TIE1: variants seen among roughly 807,000 people sequenced by gnomAD.
The protein encoded by TIE1 is tyrosine kinase with immunoglobulin like and EGF like domains 1.
TIE1 carries 89 observed loss-of-function variants against 130.5 expected under a neutral mutation model. The ratio of observed to expected loss-of-function variants is 0.68; its 90% CI spans 0.57 to 0.81. The LOEUF (loss-of-function observed/expected upper bound fraction) is 0.81, where lower values mean the gene tolerates loss of function less well. TIE1 is among the 40% of genes least tolerant of loss of function. The pLI is 0.00. For synonymous variants in TIE1, 568 were observed against 629.4 expected (o/e 0.90, Z 1.46); for missense variants, 1,392 against 1,559.8 (o/e 0.89, Z 1.81).
Position 43,309,013 on chromosome 1 carries a change from C to T in TIE1, c.1070C>T (p.Ala357Val). The change falls in exon 8 of 23, where the codon GCC (alanine) becomes GTC (valine). Residue 357 changes from alanine to valine, a missense_variant. By Grantham distance (64) the Ala-to-Val change is moderately conservative. Transcript: ENST00000372476. This position sits in a 1 kb window ranked among gnomAD's most constrained non-coding sequence, Gnocchi z 6.3. ...CGGATCCCCCAGATCCTCAACATGG[C>T]CTCAGAACTGGAGTTCAACTTAGAG... ...SDRIPQILNM[A>V]SELEFNLETM... 1 of 1,614,034 alleles carries T rather than the reference C, an allele frequency of 6.2e-7. No homozygotes were observed. The highest frequency in any genetic ancestry group is 8.5e-7 in the Non-Finnish European group (1 of 1,179,966).
In TIE1 at chr1:43,319,922, A is replaced by C; in HGVS notation, c.3107+393A>C. The C allele has an allele frequency of 2.0e-5, 5 of 246,592 alleles. No homozygotes were observed. Among genetic ancestry groups the C allele is most frequent in the East Asian group, 1.0e-4 (1 of 9,770 alleles). The allele number at this position is 246,592 out of a possible 1,614,324, so 15.3% of individuals were successfully genotyped here. A position where few individuals can be genotyped will look rare whatever the true frequency, so the allele number is the denominator to read the frequency against. The stretch of plus-strand genomic sequence containing the variant: ...ATCTTACCAGAGCATGACCCCCAAG[A>C]CTCCCTCTCTGTGCCCCCTCCCCTG... On this transcript the variant is annotated intron_variant, in intron 19 of 22. Transcript: ENST00000372476. This position sits in a 1 kb window ranked among gnomAD's most constrained non-coding sequence, Gnocchi z 4.7.
chr1:43,308,639 C>T (rs991122772), intron 7 of TIE1, among the ~76,000 whole-genome samples: 5 of 152,112 alleles, frequency 3.3e-5, no homozygotes, highest in African/African-American at 4.8e-5. Context: ...AGAAAGGACC[C>T]CTAGCTGCTG....
Position 43,303,760 on chromosome 1 carries a change from C to T in TIE1, c.59-1091C>T, listed in dbSNP as rs568090730. Among the ~76,000 whole-genome samples, 47 of 152,276 alleles carry T rather than the reference C, an allele frequency of 3.1e-4. 1 individual carries two copies. The highest frequency in any genetic ancestry group is 1.1e-3 in the African/African-American group (46 of 41,556). Reference sequence around the variant, plus strand: ...CTGCAGGCCTCTGTCCAGGCTGTTCCCTCTGTCTAGGATGCCCTCTCCCTG... The same window carrying T: ...CTGCAGGCCTCTGTCCAGGCTGTTCTCTCTGTCTAGGATGCCCTCTCCCTG... On this transcript the variant is annotated intron_variant, in intron 1 of 22. Coordinates refer to ENST00000372476, the MANE Select transcript of TIE1 (RefSeq NM_005424.5).
At chr1:43,303,558 G>A (rs1225183921) in intron 1 of TIE1, among the ~76,000 whole-genome samples, 1 of 152,208 alleles carries the variant, frequency 6.6e-6, no homozygotes, top group Non-Finnish European at 1.5e-5. Context: ...AAGAGACAGA[G>A]AAGGAAGGGC....
intron 9 of TIE1, among the ~76,000 whole-genome samples, chr1:43,310,269 G>A (rs1298859800): frequency 1.3e-5 from 2 of 151,974 alleles, no homozygotes; most frequent in South Asian, 4.2e-4. Context: ...CTCACCTTCC[G>A]CCTTTCTCTT....
At chr1:43,321,342 C>G (rs1646917429) in intron 20 of TIE1, 33 bp downstream of exon 20, 25 of 1,613,944 alleles carry the variant, frequency 1.5e-5, no homozygotes, top group Non-Finnish European at 2.1e-5. Flanking sequence ...CCAGAGTGCC[C>G]CACCTTACCC....
chr1:43,306,853 C>T lies in TIE1; in HGVS notation c.498C>T (p.Tyr166=), dbSNP rs202218306. 172 of 1,612,226 alleles carry T rather than the reference C, an allele frequency of 1.1e-4. 1 individual carries two copies. Among genetic ancestry groups the T allele is most frequent in the Non-Finnish European group, 6.6e-5 (78 of 1,179,208 alleles). The change falls in exon 4 of 23, where the codon TAC becomes TAT. Residue 166 remains tyrosine, a synonymous_variant. Transcript: ENST00000372476. This position sits in a 1 kb window ranked among gnomAD's most constrained non-coding sequence, Gnocchi z 4.9. ...VIWKSNGSYF[Y]TLDWHEAQDG... is the part of the protein sequence containing the mutation. ...CATGTCCCCCAGGATCCTACTTCTACACCCTGGACTGGCATGAAGCCCAGG... is the reference window on the plus strand; with the variant it reads ...CATGTCCCCCAGGATCCTACTTCTATACCCTGGACTGGCATGAAGCCCAGG...
At chr1:43,310,184 C>T (rs976627437) in intron 9 of TIE1, among the ~76,000 whole-genome samples, 2 of 152,056 alleles carry the variant, frequency 1.3e-5, no homozygotes, top group South Asian at 2.1e-4. Context: ...TCTGCTTTCT[C>T]GTTGCCACAC....
chr1:43,312,109 C>A lies in TIE1; in HGVS notation c.1608C>A (p.Thr536=). The change falls in exon 11 of 23, where the codon ACC becomes ACA. Residue 536 remains threonine, a synonymous_variant. Transcript: ENST00000372476. The surrounding 1 kb of genome is among the most constrained non-coding windows in gnomAD (Gnocchi z 5.6). ...GAGAGGGGGCCTGGGGGCCTCCCAC[C>A]CTCATGACCACAGACTGTCCTGGTG... ...EGGEGAWGPP[T]LMTTDCPEPL... is the part of the protein sequence containing the mutation. 6.4e-7 allele frequency: 1 copy of A among 1,574,444 alleles called. No homozygotes were observed.
Position 43,318,139 on chromosome 1 carries a change from G to A in TIE1, c.2922+67G>A. ...CACTGGGCTGGTGTCAGTGGAAGAA[G>A]TCAGCCGGCCCTGATTGTATCTGGG... On this transcript the variant is annotated intron_variant, in intron 17 of 22. Transcript: ENST00000372476. This position sits in a 1 kb window ranked among gnomAD's most constrained non-coding sequence, Gnocchi z 4.4. 6.7e-7 allele frequency: 1 copy of A among 1,492,036 alleles called. No homozygotes were observed. Among genetic ancestry groups the A allele is most frequent in the Non-Finnish European group, 8.9e-7 (1 of 1,120,698 alleles). 92.4% of individuals were successfully genotyped at this position (1,492,036 alleles called of 1,614,324 possible). A position where few individuals can be genotyped will look rare whatever the true frequency, so the allele number is the denominator to read the frequency against.
rs756067411 is a variant in TIE1, at chr1:43,312,268, C to T, written c.1631-37C>T. On this transcript the variant is annotated intron_variant, in intron 11 of 22. Coordinates refer to ENST00000372476, the MANE Select transcript of TIE1 (RefSeq NM_005424.5). The surrounding 1 kb of genome is among the most constrained non-coding windows in gnomAD (Gnocchi z 5.6). ...CATTGTCCTGTCCAGCCCCAAGTAC[C>T]TACTGGACAGTTCTGACCCCTGACC... The T allele has an allele frequency of 6.6e-7, 1 of 1,520,058 alleles. No individual in the cohort carries two copies. The allele number at this position is 1,520,058 out of a possible 1,614,324, so 94.2% of individuals were successfully genotyped here.
In TIE1 at chr1:43,309,359, G is replaced by A. The variant is rs1419877756; in HGVS notation, c.1189-29G>A. On this transcript the variant is annotated intron_variant, in intron 8 of 22. Transcript: ENST00000372476. This position sits in a 1 kb window ranked among gnomAD's most constrained non-coding sequence, Gnocchi z 6.3. Reference sequence around the variant, plus strand: ...TGCCACAGAGGTGCCCGTTCCCTGTGACCTGTCCCCTTCCCCCATCTCTTT... The same window carrying A: ...TGCCACAGAGGTGCCCGTTCCCTGTAACCTGTCCCCTTCCCCCATCTCTTT... 1 of 1,563,790 alleles carries A rather than the reference G, an allele frequency of 6.4e-7. No homozygotes were observed. Among genetic ancestry groups the A allele is most frequent in the South Asian group, 1.2e-5 (1 of 80,772 alleles).
chr1:43,310,286 G>A (rs1467066076), intron 9 of TIE1, among the ~76,000 whole-genome samples: 6 of 152,144 alleles, frequency 3.9e-5, no homozygotes, highest in Non-Finnish European at 2.9e-5. Flanking sequence ...TCTTCTCACT[G>A]TGCCCAGGCT....
chr1:43,312,990 G>A lies in TIE1; in HGVS notation c.1928-145G>A, dbSNP rs183065610. The A allele has an allele frequency of 9.7e-6, 9 of 926,392 alleles. No homozygotes were observed. The highest frequency in any genetic ancestry group is 1.7e-5 in the African/African-American group (1 of 60,246). 57.4% of individuals were successfully genotyped at this position (926,392 alleles called of 1,614,324 possible). On this transcript the variant is annotated intron_variant, in intron 12 of 22. Coordinates refer to ENST00000372476, the MANE Select transcript of TIE1 (RefSeq NM_005424.5). This position sits in a 1 kb window ranked among gnomAD's most constrained non-coding sequence, Gnocchi z 5.6. ...GCCTGGGGGAATGGAGAGGAATTCA[G>A]TCTGGTGGGGAGGAGGAAGTTGGCA... is the stretch of plus-strand genomic sequence containing the variant.
intron 9 of TIE1, among the ~76,000 whole-genome samples, chr1:43,310,204 C>T (rs1040080899): frequency 6.6e-5 from 10 of 152,118 alleles, no homozygotes; most frequent in Non-Finnish European, 2.9e-5. Context: ...CTCTGCCTCC[C>T]AGGTCCTCGC....
chr1:43,307,980 A>G lies in TIE1; in HGVS notation c.1042+56A>G. On this transcript the variant is annotated intron_variant, in intron 7 of 22. Transcript: ENST00000372476. This position sits in a 1 kb window ranked among gnomAD's most constrained non-coding sequence, Gnocchi z 5.4. Reference sequence around the variant, plus strand: ...CAAGATAAGTCGGCCTTTACCAAACACATCTCCCCGGTGGAAGAGAGTAGT... The same window carrying G: ...CAAGATAAGTCGGCCTTTACCAAACGCATCTCCCCGGTGGAAGAGAGTAGT... The G allele has an allele frequency of 1.2e-6, 2 of 1,600,980 alleles. No homozygotes were observed. Among genetic ancestry groups the G allele is most frequent in the Non-Finnish European group, 1.7e-6 (2 of 1,170,690 alleles).
In TIE1 at chr1:43,303,971, C is replaced by T. The variant is rs1412906550; in HGVS notation, c.59-880C>T. On this transcript the variant is annotated intron_variant, in intron 1 of 22. Coordinates refer to ENST00000372476, the MANE Select transcript of TIE1 (RefSeq NM_005424.5). The stretch of plus-strand genomic sequence containing the variant: ...TTCATGCCTGTTCCTCCAACTAGGG[C>T]GTGAGCTCTTTGGAAGGCAAACAAA... Among the ~76,000 whole-genome samples, 6 of 152,346 alleles carry T rather than the reference C, an allele frequency of 3.9e-5. 1 individual carries two copies. The highest frequency in any genetic ancestry group is 2.1e-4 in the South Asian group (1 of 4,826).
In TIE1 at chr1:43,319,691, G is replaced by A. The variant is rs866197438; in HGVS notation, c.3107+162G>A. The A allele has an allele frequency of 2.9e-6, 2 of 691,860 alleles. No homozygotes were observed. The highest frequency in any genetic ancestry group is 1.8e-5 in the African/African-American group (1 of 55,960). The allele number at this position is 691,860 out of a possible 1,614,324, so 42.9% of individuals were successfully genotyped here. Reference sequence around the variant, plus strand: ...CTTGGGTATAAAGTACCTAGCCAAGGTGGGGCTTGCTGGAAGGAGTCTTGG... The same window carrying A: ...CTTGGGTATAAAGTACCTAGCCAAGATGGGGCTTGCTGGAAGGAGTCTTGG... On this transcript the variant is annotated intron_variant, in intron 19 of 22. Coordinates refer to ENST00000372476, the MANE Select transcript of TIE1 (RefSeq NM_005424.5). The surrounding 1 kb of genome is among the most constrained non-coding windows in gnomAD (Gnocchi z 4.7).
At position 43,307,981 on chromosome 1, in the gene TIE1, C is replaced by T. The variant is rs1460305447; in HGVS notation, c.1042+57C>T. On this transcript the variant is annotated intron_variant, in intron 7 of 22. Transcript: ENST00000372476. This position sits in a 1 kb window ranked among gnomAD's most constrained non-coding sequence, Gnocchi z 5.4. ...AAGATAAGTCGGCCTTTACCAAACA[C>T]ATCTCCCCGGTGGAAGAGAGTAGTC... is the stretch of plus-strand genomic sequence containing the variant. 3.1e-6 allele frequency: 5 copies of T among 1,600,938 alleles called. No homozygotes were observed. The highest frequency in any genetic ancestry group is 1.1e-5 in the South Asian group (1 of 90,282).
Sources: gnomAD v4.1 joint callset for allele counts (sites outside exome capture counted in the v4.1 genomes callset) on GRCh38, gnomAD v4.1.1 for gene constraint, Gnocchi (gnomAD v3.1) non-coding constraint, MANE v1.5 for transcripts, NCBI Gene and HGNC (gene_info 2026-07-23, HGNC 2026-07-21) for gene names.